The following PUS3 variants were observed in gnomAD, a reference collection of about 807,000 sequenced individuals.
PUS3 encodes tRNA pseudouridine(38/39) synthase.
PUS3 carries 36 observed loss-of-function variants against 43.3 expected under a neutral mutation model. The observed-to-expected ratio is 0.83, with a 90% CI of 0.64 to 1.10. The LOEUF (loss-of-function observed/expected upper bound fraction) is 1.10. Ranked by LOEUF, PUS3 falls within the 50% of genes least tolerant of loss-of-function variation. The pLI, the probability that PUS3 is intolerant of heterozygous loss-of-function variation, is 0.00. For synonymous variants in PUS3, 183 were observed against 199.2 expected (o/e 0.92, Z 0.69); for missense variants, 544 against 589.9 (o/e 0.92, Z 0.81).
rs757639290 is a variant in PUS3, at chr11:125,899,569, A to G, written c.-46-3239T>C. On this transcript the variant is annotated intron_variant, in intron 1 of 3. Transcript: ENST00000227474. ...GGAAGCGACCTGCTCTTCCTGTGCA[A>G]CTACAGTACCCACATGTAGAAAGTA... The G allele has an allele frequency of 2.5e-6, 4 of 1,614,118 alleles. No homozygotes were observed. The highest frequency in any genetic ancestry group is 1.1e-5 in the South Asian group (1 of 91,078).
intron 1 of PUS3, chr11:125,900,419 C>T (rs898088471): frequency 6.3e-5 from 44 of 698,402 alleles, no homozygotes; most frequent in Non-Finnish European, 1.0e-4. Flanking sequence ...CTATATATCA[C>T]ATTGGTATCA....
intron 1 of PUS3, among the ~76,000 whole-genome samples, chr11:125,902,396 T>C (rs960680319): frequency 6.6e-6 from 1 of 151,694 alleles, no homozygotes; most frequent in African/African-American, 2.4e-5. Flanking sequence ...GGGGGGTCGC[T>C]CGAAGTCAGG....
At chr11:125,899,333 A>G in intron 1 of PUS3, 2 of 1,590,758 alleles carry the variant, frequency 1.3e-6, no homozygotes, top group East Asian at 2.2e-5. Context: ...GACCAATGTT[A>G]TCTCTTGCAG....
intron 1 of PUS3, among the ~76,000 whole-genome samples, chr11:125,901,023 AAAAAG>A (rs1270917672): frequency 8.6e-5 from 13 of 151,898 alleles, no homozygotes; most frequent in South Asian, 4.1e-4. Flanking sequence ...AAAAAAAAAA[AAAAAG>A]AAGGAACAAA....
chr11:125,901,884 CAG>C (rs778243770), intron 1 of PUS3, among the ~76,000 whole-genome samples: 1 of 152,132 alleles, frequency 6.6e-6, no homozygotes, highest in Non-Finnish European at 1.5e-5. Flanking sequence ...TCAGTACACA[CAG>C]GGAAAGATCA....
intron 1 of PUS3, among the ~76,000 whole-genome samples, chr11:125,901,853 CAT>C (rs779139513): frequency 2.6e-5 from 4 of 152,164 alleles, no homozygotes; most frequent in African/African-American, 4.8e-5. Flanking sequence ...ATGAATGTAT[CAT>C]AAACTATACA....
chr11:125,895,634 G>T lies in PUS3; in HGVS notation c.534C>A (p.Ala178=), dbSNP rs753856008. 10 of 1,614,230 alleles carry T rather than the reference G, an allele frequency of 6.2e-6. No homozygotes were observed. Among genetic ancestry groups the T allele is most frequent in the Non-Finnish European group, 8.5e-6 (10 of 1,180,044 alleles). ...TAGCACTGAAGCTTGGTTCTACAGG[G>T]GCCCAGGCCAATATACGGATGTCTG... ...LPPDIRILAW[A]PVEPSFSARF... Residue 178 remains alanine, a synonymous_variant, in exon 3 of 4, where the codon GCC becomes GCA. Transcript: ENST00000227474.
chr11:125,899,538 C>T (rs1425448193), intron 1 of PUS3: 1 of 1,614,108 alleles, frequency 6.2e-7, no homozygotes, highest in African/African-American at 1.3e-5. Context: ...GCTTCAGTAG[C>T]CCCAGGGAAG....
At chr11:125,895,819 T>G in intron 2 of PUS3, 30 bp from the exon 3 acceptor site, 1 of 1,581,746 alleles carries the variant, frequency 6.3e-7, no homozygotes, top group Non-Finnish European at 8.6e-7. Flanking sequence ...TACTGGGTTT[T>G]AGAGACACAA....
At position 125,894,092 on chromosome 11, in the gene PUS3, G is replaced by C; in HGVS notation, c.1139C>G (p.Pro380Arg). 6.2e-7 allele frequency: 1 copy of C among 1,614,002 alleles called. No homozygotes were observed. ...CCATTCTGTCATTCCATCCATCTTT[G>C]GTCCTATTCCACAGGGTACTGGAAC... ...DTVPVPCGIG[P>R]KMDGMTEWGN... is the part of the protein sequence containing the mutation. Residue 380 changes from proline to arginine, a missense_variant, in exon 4 of 4, where the codon CCA (proline) becomes CGA (arginine). Physicochemically the swap from Pro to Arg is moderately radical, Grantham distance 103. Transcript: ENST00000227474.
intron 1 of PUS3, chr11:125,899,992 C>T (rs1466408686): frequency 1.2e-6 from 2 of 1,614,078 alleles, no homozygotes; most frequent in South Asian, 1.1e-5. Context: ...GAAACCGGGG[C>T]AAGACAGACC....
intron 1 of PUS3, chr11:125,899,553 C>G (rs1233692949): frequency 6.2e-7 from 1 of 1,614,098 alleles, no homozygotes; most frequent in South Asian, 1.1e-5. Flanking sequence ...GGGAAGCGAC[C>G]TGCTCTTCCT....
intron 1 of PUS3, chr11:125,899,302 G>C (rs1409350234): frequency 7.0e-7 from 1 of 1,433,150 alleles, no homozygotes; most frequent in African/African-American, 1.4e-5. Context: ...TTATGAGCTG[G>C]GAATTTATTA....
At chr11:125,899,654 A>G in intron 1 of PUS3, 1 of 1,614,220 alleles carries the variant, frequency 6.2e-7, no homozygotes, top group Non-Finnish European at 8.5e-7. Context: ...AGTGATGAAG[A>G]GAAAGGTGCT....
Position 125,893,688 on chromosome 11 carries a change from A to C in PUS3, c.*97T>G. ...TTTTTTTTTCTTTTAAGAGCTGATC[A>C]TCTGAATTCCTAGTACTTGCAAGTA... On this transcript the variant is annotated 3_prime_UTR_variant, in exon 4 of 4. Coordinates refer to ENST00000227474, the MANE Select transcript of PUS3 (RefSeq NM_031307.4). 5.7e-6 allele frequency: 5 copies of C among 877,266 alleles called. No individual in the cohort carries two copies. The highest frequency in any genetic ancestry group is 2.9e-5 in the South Asian group (1 of 34,392). 54.3% of individuals were successfully genotyped at this position (877,266 alleles called of 1,614,324 possible).
chr11:125,899,595 A>C (rs1591507330), intron 1 of PUS3: 1 of 1,614,164 alleles, frequency 6.2e-7, no homozygotes, highest in Non-Finnish European at 8.5e-7. Flanking sequence ...GTAGAAAGTA[A>C]TGTCCCTTCA....
intron 1 of PUS3, among the ~76,000 whole-genome samples, chr11:125,898,322 T>C (rs1237393176): frequency 6.6e-6 from 1 of 152,220 alleles, no homozygotes; most frequent in Non-Finnish European, 1.5e-5. Context: ...ATGTGGCTGA[T>C]TGATGTGGAT....
chr11:125,901,178 G>A (rs1239109614), intron 1 of PUS3, among the ~76,000 whole-genome samples: 1 of 152,050 alleles, frequency 6.6e-6, no homozygotes, highest in Non-Finnish European at 1.5e-5. Context: ...ATAACATACA[G>A]GATTCAAACT....
Position 125,895,312 on chromosome 11 carries a change from G to A in PUS3, c.856C>T (p.Leu286Phe), listed in dbSNP as rs1288612045. The change falls in exon 3 of 4, where the codon CTC (leucine) becomes TTC (phenylalanine). Residue 286 changes from leucine (L) to phenylalanine (F), a missense_variant. Coordinates refer to ENST00000227474, the MANE Select transcript of PUS3 (RefSeq NM_031307.4). Reference sequence around the variant, plus strand: ...TCCATTCCTTGGCCAATCAGAAAGAGGATAGCCATCATACATCGGACTTGA... The same window carrying A: ...TCCATTCCTTGGCCAATCAGAAAGAAGATAGCCATCATACATCGGACTTGA... ...YHQVRCMMAI[L>F]FLIGQGMEKP... is the part of the protein sequence containing the mutation. 1.2e-6 allele frequency: 2 copies of A among 1,614,062 alleles called. No individual in the cohort carries two copies. The highest frequency in any genetic ancestry group is 1.3e-5 in the African/African-American group (1 of 75,046).
Sources: allele counts gnomAD v4.1 joint callset (sites outside exome capture counted in the v4.1 genomes callset), GRCh38; gene constraint gnomAD v4.1.1; transcripts MANE v1.5; gene names NCBI Gene and HGNC (gene_info 2026-07-23, HGNC 2026-07-21).